Variants in RCSD1 observed in about 807,000 individuals in gnomAD.
RCSD1 encodes the protein RCSD domain containing 1, also known as capZ-interacting protein.
RCSD1 carries 26 observed loss-of-function variants against 42.5 expected under a neutral mutation model. That is an observed-to-expected ratio of 0.61 (90% CI 0.45 to 0.85). The LOEUF (loss-of-function observed/expected upper bound fraction) is 0.85, where lower values mean the gene tolerates loss of function less well. RCSD1 is among the 40% of genes least tolerant of loss of function. The pLI is 0.00. For synonymous variants in RCSD1, 220 were observed against 212.2 expected (o/e 1.04, Z -0.32); for missense variants, 571 against 528.3 (o/e 1.08, Z -0.79).
At position 167,685,467 on chromosome 1, in the gene RCSD1, C is replaced by A. The variant is rs1659208506; in HGVS notation, c.155C>A (p.Pro52His). ...CGAAGGAAACCGCCCTGTTCCCTCC[C>A]CCTGTTCCCCCCCAAGGTAGACCTG... is the stretch of plus-strand genomic sequence containing the variant. ...PTRRKPPCSL[P>H]LFPPKVDLGQ... is the part of the protein sequence containing the mutation. Residue 52 changes from proline (P) to histidine (H), a missense_variant, in exon 3 of 7, where the codon CCC becomes CAC. Physicochemically the swap from Pro to His is moderately conservative, Grantham distance 77. Transcript: ENST00000367854. 2.5e-6 allele frequency: 4 copies of A among 1,613,888 alleles called. No homozygotes were observed. The highest frequency in any genetic ancestry group is 2.5e-6 in the Non-Finnish European group (3 of 1,179,910).
chr1:167,703,950 C>T (rs1659700122), intron 6 of RCSD1, among the ~76,000 whole-genome samples: 2 of 152,106 alleles, frequency 1.3e-5, no homozygotes, highest in African/African-American at 4.8e-5. Flanking sequence ...GCTCTGAGGA[C>T]AAATGCCCCC....
chr1:167,638,034 G>T (rs149415716), intron 1 of RCSD1, among the ~76,000 whole-genome samples: 1 of 152,136 alleles, frequency 6.6e-6, no homozygotes, highest in Admixed American at 6.5e-5. Flanking sequence ...ACAATGTGCC[G>T]CAGCAGGCTT....
chr1:167,682,823 A>T (rs1659114689), intron 1 of RCSD1, among the ~76,000 whole-genome samples: 1 of 152,078 alleles, frequency 6.6e-6, no homozygotes, highest in East Asian at 1.9e-4. Flanking sequence ...AAATCCTCCC[A>T]TTTTCAGACT....
intron 1 of RCSD1, among the ~76,000 whole-genome samples, chr1:167,661,043 G>A (rs1658530165): frequency 1.3e-5 from 2 of 152,202 alleles, no homozygotes; most frequent in African/African-American, 4.8e-5. Flanking sequence ...TATCAAGCAT[G>A]TTCTATCCCC....
At chr1:167,649,385 G>A (rs1304383260) in intron 1 of RCSD1, among the ~76,000 whole-genome samples, 1 of 152,186 alleles carries the variant, frequency 6.6e-6, no homozygotes, top group African/African-American at 2.4e-5. Context: ...GAGTCCAAGG[G>A]GCTAGCCTTG....
At chr1:167,667,048 G>A (rs1347242909) in intron 1 of RCSD1, among the ~76,000 whole-genome samples, 1 of 151,362 alleles carries the variant, frequency 6.6e-6, no homozygotes, top group Non-Finnish European at 1.5e-5. Flanking sequence ...GCAGGCTGGT[G>A]AGAGGAGATG....
At chr1:167,698,813 G>C (rs6692893) in intron 6 of RCSD1, among the ~76,000 whole-genome samples, 1 of 151,220 alleles carries the variant, frequency 6.6e-6, no homozygotes, top group East Asian at 1.9e-4. Flanking sequence ...TTTTGTTTTT[G>C]TTTTGAGAAG....
intron 1 of RCSD1, among the ~76,000 whole-genome samples, chr1:167,637,284 G>T (rs1281027232): frequency 6.6e-6 from 1 of 152,162 alleles, no homozygotes; most frequent in Admixed American, 6.5e-5. Flanking sequence ...GCAAGATAAA[G>T]ATATTTGAGG....
rs925705368 is a variant in RCSD1 at position 167,697,756 on chromosome 1, G to A, written c.1132G>A (p.Glu378Lys). The A allele has an allele frequency of 3.5e-5, 54 of 1,533,182 alleles. No individual in the cohort carries two copies. Among genetic ancestry groups the A allele is most frequent in the Middle Eastern group, 1.7e-4 (1 of 5,756 alleles). 95.0% of individuals were successfully genotyped at this position (1,533,182 alleles called of 1,614,324 possible). A position where few individuals can be genotyped will look rare whatever the true frequency, so the allele number is the denominator to read the frequency against. ...KEKQQEGAVL[E>K]PGCSPQTGPA... ...AAAACAACAGGAGGGGGCAGTGCTC[G>A]AGCCAGGCTGCAGCCCCCAGACCGG... The change falls in exon 6 of 7, where the codon GAG (glutamate) becomes AAG (lysine). Residue 378 changes from glutamate (E) to lysine (K), a missense_variant. Physicochemically the swap from Glu to Lys is moderately conservative, Grantham distance 56. Transcript: ENST00000367854.
At chr1:167,696,492 C>T (rs191376147) in intron 5 of RCSD1, among the ~76,000 whole-genome samples, 1 of 151,186 alleles carries the variant, frequency 6.6e-6, no homozygotes, top group South Asian at 2.1e-4. Context: ...TTCTGTGCTG[C>T]CCAGGCTGAA....
chr1:167,650,281 G>T (rs1219412220), intron 1 of RCSD1, among the ~76,000 whole-genome samples: 2 of 152,198 alleles, frequency 1.3e-5, no homozygotes, highest in African/African-American at 4.8e-5. Context: ...AGAGAAGCAG[G>T]TGCTCTGGAG....
intron 3 of RCSD1, among the ~76,000 whole-genome samples, chr1:167,687,106 C>T (rs1659251904): frequency 6.6e-6 from 1 of 152,196 alleles, no homozygotes; most frequent in Non-Finnish European, 1.5e-5. Context: ...AGTTAAATGG[C>T]TTATAATGGC....
intron 1 of RCSD1, among the ~76,000 whole-genome samples, chr1:167,671,200 A>G (rs1322289556): frequency 6.6e-6 from 1 of 152,142 alleles, no homozygotes; most frequent in African/African-American, 2.4e-5. Context: ...TAAACTCCAC[A>G]TCTTGAAGCC....
intron 1 of RCSD1, among the ~76,000 whole-genome samples, chr1:167,651,512 C>T (rs1658304754): frequency 6.6e-6 from 1 of 152,236 alleles, no homozygotes; most frequent in African/African-American, 2.4e-5. Flanking sequence ...GCCCAGCTTC[C>T]CTTATGTCAC....
chr1:167,704,541 T>A (rs1488646962), intron 6 of RCSD1, 123 bp from the exon 7 acceptor site: 11 of 816,226 alleles, frequency 1.3e-5, no homozygotes, highest in Non-Finnish European at 1.8e-5. Flanking sequence ...CTTATGACTA[T>A]CATTCTTACT....
At position 167,633,567 on chromosome 1, in the gene RCSD1, G is replaced by A. The variant is rs1657756458; in HGVS notation, c.6+3138G>A. The A allele has an allele frequency of 1.3e-5, 2 of 152,236 alleles. 1 individual carries two copies. Among genetic ancestry groups the A allele is most frequent in the South Asian group, 4.1e-4 (2 of 4,822 alleles). 9.4% of individuals were successfully genotyped at this position (152,236 alleles called of 1,614,324 possible). A position where few individuals can be genotyped will look rare whatever the true frequency, so the allele number is the denominator to read the frequency against. ...TGGGAGCTGAAATCCAAGTCACTTG[G>A]AGGAAAAGGTTACTTTTTGTTCATA... On this transcript the variant is annotated intron_variant, in intron 1 of 6. Coordinates refer to ENST00000367854, the MANE Select transcript of RCSD1 (RefSeq NM_052862.4).
At chr1:167,666,333 G>T (rs1170564981) in intron 1 of RCSD1, among the ~76,000 whole-genome samples, 1 of 152,184 alleles carries the variant, frequency 6.6e-6, no homozygotes, top group East Asian at 1.9e-4. Flanking sequence ...TGTCACAGAG[G>T]TGTCATGGGG....
At chr1:167,663,408 CG>C (rs34400402) in intron 1 of RCSD1, 50,026 of 152,274 alleles carry the variant, frequency 0.33, 8,673 homozygotes, top group Middle Eastern at 0.37. Flanking sequence ...GCCTGGGTAA[CG>C]GCAAGACCCT....
chr1:167,665,627 GT>G (rs1411432827), intron 1 of RCSD1, among the ~76,000 whole-genome samples: 1 of 152,124 alleles, frequency 6.6e-6, no homozygotes, highest in Non-Finnish European at 1.5e-5. Context: ...CCGTCATTTG[GT>G]ATTGTCAGTT....
Sources: allele counts gnomAD v4.1 joint callset (sites outside exome capture counted in the v4.1 genomes callset), GRCh38; gene constraint gnomAD v4.1.1; transcripts MANE v1.5; gene names NCBI Gene and HGNC (gene_info 2026-07-23, HGNC 2026-07-21).